OLAH: variants seen among roughly 807,000 people sequenced by gnomAD.
OLAH encodes S-acyl fatty acid synthase thioesterase, medium chain.
Under a neutral mutation model 27.8 loss-of-function variants are expected in OLAH, and 33 were observed. The ratio of observed to expected loss-of-function variants is 1.19; its 90% confidence interval spans 0.90 to 1.59. The LOEUF (loss-of-function observed/expected upper bound fraction) is 1.59, where lower values mean the gene tolerates loss of function less well. Among genes scored for constraint, OLAH ranks in the 40% most tolerant of loss-of-function variants. The pLI, the probability that OLAH is intolerant of heterozygous loss-of-function variation, is 0.00. For synonymous variants in OLAH, 120 were observed against 102.9 expected, an observed-to-expected ratio of 1.17 and a Z score of -1.01; for missense variants, 359 against 310.8, an observed-to-expected ratio of 1.16 and a Z score of -1.17.
At chr10:15,042,986 G>A (rs1029251824), upstream of OLAH, among the ~76,000 whole-genome samples, 12 of 146,904 alleles carry the variant, frequency 8.2e-5, no homozygotes, top group Non-Finnish European at 1.6e-4. Flanking sequence ...TCAGCCTCCC[G>A]AGTAGCTGGG....
At chr10:15,043,756 C>T (rs1564526126), upstream of OLAH, 1 of 152,232 alleles carries the variant, frequency 6.6e-6, no homozygotes, top group African/African-American at 2.4e-5. Flanking sequence ...GTGTGAGCCA[C>T]TGCACCAGCC....
upstream of OLAH, among the ~76,000 whole-genome samples, chr10:15,039,315 T>C (rs1204893322): frequency 6.6e-6 from 1 of 151,970 alleles, no homozygotes; most frequent in African/African-American, 2.4e-5. Context: ...CCATGGCTCA[T>C]GCCTGTAATC....
chr10:15,071,959 A>G, intron 7 of OLAH, 82 bp downstream of exon 7: 3 of 984,878 alleles, frequency 3.0e-6, no homozygotes, highest in East Asian at 2.5e-5. Context: ...TTTGAGACAG[A>G]GTCTCGCCCT....
chr10:15,070,550 T>A (rs1306863908), intron 6 of OLAH, among the ~76,000 whole-genome samples: 1 of 152,152 alleles, frequency 6.6e-6, no homozygotes, highest in Non-Finnish European at 1.5e-5. Context: ...AGTGGTGTGA[T>A]CTTGGCTCAC....
chr10:15,047,153 G>A lies in OLAH; in HGVS notation c.-136G>A, dbSNP rs1004148572. ...ATTGGAGAGGTCAATAAGAGTCAGC[G>A]CCTTTAAAAAGAAATCTACTCACTC... On this transcript the variant is annotated 5_prime_UTR_variant, in exon 2 of 8. Transcript: ENST00000378228. 5.8e-6 allele frequency: 4 copies of A among 693,688 alleles called. No individual in the cohort carries two copies. The highest frequency in any genetic ancestry group is 9.3e-6 in the Non-Finnish European group (4 of 428,148). The allele number at this position is 693,688 out of a possible 1,614,324, so 43.0% of individuals were successfully genotyped here. A position where few individuals can be genotyped will look rare whatever the true frequency, so the allele number is the denominator to read the frequency against.
intron 7 of OLAH, among the ~76,000 whole-genome samples, chr10:15,072,637 T>A (rs1023817614): frequency 7.9e-5 from 12 of 151,900 alleles, no homozygotes; most frequent in Admixed American, 2.0e-4. Flanking sequence ...AATGTTTCTG[T>A]GTGAGCGAGA....
chr10:15,065,989 C>T (rs925278177), intron 6 of OLAH, among the ~76,000 whole-genome samples: 25 of 152,108 alleles, frequency 1.6e-4, no homozygotes, highest in Admixed American at 6.5e-5. Flanking sequence ...GCCTATAATT[C>T]CAGCACTTTG....
intron 6 of OLAH, among the ~76,000 whole-genome samples, chr10:15,068,359 T>C (rs530371412): frequency 6.6e-6 from 1 of 152,222 alleles, no homozygotes; most frequent in South Asian, 2.1e-4. Flanking sequence ...TAACAATGGG[T>C]TATTTCTTGC....
intron 2 of OLAH, 90 bp from the exon 3 acceptor site, chr10:15,049,538 TATAATTA>T: frequency 2.4e-6 from 2 of 842,090 alleles, no homozygotes; most frequent in Non-Finnish European, 3.5e-6. Flanking sequence ...ATATGTTTCT[TATAATTA>T]ATAAAGATTT....
intron 6 of OLAH, among the ~76,000 whole-genome samples, chr10:15,068,414 T>C (rs943405431): frequency 4.6e-5 from 7 of 152,164 alleles, no homozygotes; most frequent in Admixed American, 1.3e-4. Flanking sequence ...TTATTTGAGA[T>C]GGAGCTTTGC....
chr10:15,072,843 A>G (rs1184060544), intron 7 of OLAH, among the ~76,000 whole-genome samples: 1 of 151,870 alleles, frequency 6.6e-6, no homozygotes, highest in African/African-American at 2.4e-5. Flanking sequence ...TCTATGGTTT[A>G]TGGTTATGGT....
At chr10:15,037,888 TA>T in intron 1 of OLAH, among the ~76,000 whole-genome samples, 1 of 152,342 alleles carries the variant, frequency 6.6e-6, no homozygotes, top group East Asian at 1.9e-4. Flanking sequence ...AAGTGTTCTC[TA>T]TACTGCCAAC....
In OLAH at chr10:15,061,696, G is replaced by A. The variant is rs572413880; in HGVS notation, c.164-28G>A. 1.8e-4 allele frequency: 279 copies of A among 1,570,716 alleles called. 2 individuals are homozygous for A. The South Asian group carries it at 1.8e-3, about 10-fold the overall frequency. The stretch of plus-strand genomic sequence containing the variant: ...ACAATATCTCATTCACTGTCTGTGC[G>A]TGTTCACTTGTGTTTCTCCATCTCC... On this transcript the variant is annotated intron_variant, in intron 3 of 7. Transcript: ENST00000378228.
chr10:15,066,791 C>T (rs1430965379), intron 6 of OLAH, among the ~76,000 whole-genome samples: 1 of 152,086 alleles, frequency 6.6e-6, no homozygotes, highest in Non-Finnish European at 1.5e-5. Context: ...CAGGCACCCG[C>T]CACCACACCC....
chr10:15,065,625 A>G lies in OLAH; in HGVS notation c.444A>G (p.Ser148=), dbSNP rs1844452254. The change falls in exon 6 of 8, where the codon TCA becomes TCG. Residue 148 remains serine, a synonymous_variant. Coordinates refer to ENST00000378228, the MANE Select transcript of OLAH (RefSeq NM_001039702.3). ...GCATTCCCAAAGATGATGAATTGTC[A>G]GAAGAACAAATAAGTCATTACCTTA... ...WHRIPKDDEL[S]EEQISHYLME... 1 of 1,612,364 alleles carries G rather than the reference A, an allele frequency of 6.2e-7. No individual in the cohort carries two copies. The highest frequency in any genetic ancestry group is 8.5e-7 in the Non-Finnish European group (1 of 1,179,652).
intron 3 of OLAH, among the ~76,000 whole-genome samples, chr10:15,052,619 ACTT>A (rs1844166225): frequency 6.6e-6 from 1 of 151,390 alleles, no homozygotes; most frequent in Non-Finnish European, 1.5e-5. Flanking sequence ...TTCTTTAACA[ACTT>A]GTTTTACTGT....
intron 6 of OLAH, 125 bp downstream of exon 6, chr10:15,065,878 T>A: frequency 1.3e-6 from 1 of 792,380 alleles, no homozygotes; most frequent in Non-Finnish European, 2.0e-6. Context: ...TTTCATTTCC[T>A]TTGGGGCCAC....
chr10:15,054,818 C>G (rs1436345913), intron 3 of OLAH, among the ~76,000 whole-genome samples: 1 of 152,154 alleles, frequency 6.6e-6, no homozygotes, highest in Non-Finnish European at 1.5e-5. Flanking sequence ...ATTCTGTCAG[C>G]TCTTTGTGCA....
intron 3 of OLAH, chr10:15,057,090 A>G: frequency 8.2e-7 from 1 of 1,226,530 alleles, no homozygotes; most frequent in South Asian, 3.2e-5. Flanking sequence ...CAAGCTTATT[A>G]CTCTTCTTTT....
Sources: allele counts gnomAD v4.1 joint callset (sites outside exome capture counted in the v4.1 genomes callset), GRCh38; gene constraint gnomAD v4.1.1; transcripts MANE v1.5; gene names NCBI Gene and HGNC (gene_info 2026-07-23, HGNC 2026-07-21).